CFAP299: variants seen among roughly 807,000 people sequenced by gnomAD.
CFAP299 encodes cilia- and flagella-associated protein 299.
A neutral mutation model predicts 27.0 loss-of-function variants in CFAP299; 21 were observed. That is an observed-to-expected ratio of 0.78 (90% CI 0.55 to 1.12). The LOEUF is 1.12. CFAP299 is among the 50% of genes most tolerant of loss of function. The pLI, the probability that CFAP299 is intolerant of heterozygous loss-of-function variation, is 0.00. For synonymous variants in CFAP299, 104 were observed against 98.1 expected (o/e 1.06, Z -0.36); for missense variants, 310 against 276.6 (o/e 1.12, Z -0.86).
At chr4:80,585,772 A>G (rs1736403735) in intron 3 of CFAP299, among the ~76,000 whole-genome samples, 1 of 152,210 alleles carries the variant, frequency 6.6e-6, no homozygotes, top group South Asian at 2.1e-4. Context: ...AGGGAGGTCA[A>G]CTGAGAGGCC....
chr4:80,528,159 A>G (rs1299601604), intron 2 of CFAP299, among the ~76,000 whole-genome samples: 1 of 152,154 alleles, frequency 6.6e-6, no homozygotes, highest in South Asian at 2.1e-4. Context: ...GATCATTTTC[A>G]TCTAACAAAC....
chr4:80,533,010 T>A (rs1733552441), intron 2 of CFAP299, among the ~76,000 whole-genome samples: 1 of 152,234 alleles, frequency 6.6e-6, no homozygotes, highest in Non-Finnish European at 1.5e-5. Flanking sequence ...TTTATTGTTT[T>A]TTTGTGTGTC....
intron 3 of CFAP299, among the ~76,000 whole-genome samples, chr4:80,768,323 T>G (rs1726011102): frequency 6.6e-6 from 1 of 152,210 alleles, no homozygotes; most frequent in African/African-American, 2.4e-5. Context: ...GAGTTTAAAT[T>G]GGTTACCCTA....
At chr4:80,420,248 G>C (rs1439705685) in intron 2 of CFAP299, 1 of 455,676 alleles carries the variant, frequency 2.2e-6, no homozygotes, top group African/African-American at 2.0e-5. Context: ...CCTAGATCTG[G>C]ACAAAGAAAA....
chr4:80,699,864 A>T (rs537447339), intron 3 of CFAP299, among the ~76,000 whole-genome samples: 127 of 152,292 alleles, frequency 8.3e-4, no homozygotes, highest in Non-Finnish European at 1.3e-3. Flanking sequence ...TGTATCATTC[A>T]GCTTAAGTTT....
intron 2 of CFAP299, among the ~76,000 whole-genome samples, chr4:80,426,173 A>G (rs191421441): frequency 1.3e-5 from 2 of 151,758 alleles, no homozygotes; most frequent in East Asian, 1.9e-4. Flanking sequence ...GACATTTAAC[A>G]TGTTAACTAT....
chr4:80,432,485 A>G (rs991072748), intron 2 of CFAP299, among the ~76,000 whole-genome samples: 1 of 149,424 alleles, frequency 6.7e-6, no homozygotes, highest in African/African-American at 2.5e-5. Flanking sequence ...TTTCTAAAAG[A>G]CAGTCTTTTT....
At chr4:80,466,125 A>G (rs1729688750) in intron 2 of CFAP299, among the ~76,000 whole-genome samples, 1 of 152,222 alleles carries the variant, frequency 6.6e-6, no homozygotes, top group Admixed American at 6.5e-5. Context: ...AACCTTAGAA[A>G]ACAAAATTAT....
At chr4:80,937,068 A>G (rs1186466709) in intron 4 of CFAP299, among the ~76,000 whole-genome samples, 1 of 150,872 alleles carries the variant, frequency 6.6e-6, no homozygotes, top group Non-Finnish European at 1.5e-5. Context: ...TACTGTTATT[A>G]TATTGCCGTC....
intron 3 of CFAP299, among the ~76,000 whole-genome samples, chr4:80,859,557 C>A (rs886391900): frequency 6.6e-6 from 1 of 151,874 alleles, no homozygotes; most frequent in Non-Finnish European, 1.5e-5. Context: ...ACTGGTTGTT[C>A]CTTTCCATGT....
chr4:80,954,156 G>A (rs1357439872), intron 5 of CFAP299, among the ~76,000 whole-genome samples: 1 of 152,210 alleles, frequency 6.6e-6, no homozygotes, highest in African/African-American at 2.4e-5. Context: ...TTAAAAACCT[G>A]ATAACTAATA....
chr4:80,841,570 G>T (rs1384292125), intron 3 of CFAP299, among the ~76,000 whole-genome samples: 2 of 151,994 alleles, frequency 1.3e-5, no homozygotes, highest in African/African-American at 2.4e-5. Flanking sequence ...ATTACTAATA[G>T]TAATGTGAGT....
At chr4:80,677,541 GA>G (rs1172400492) in intron 3 of CFAP299, among the ~76,000 whole-genome samples, 7 of 151,602 alleles carry the variant, frequency 4.6e-5, no homozygotes, top group Non-Finnish European at 8.9e-5. Flanking sequence ...AAAGATGAAA[GA>G]AAAAAATATA....
chr4:80,923,796 A>T (rs754540246), intron 4 of CFAP299, among the ~76,000 whole-genome samples: 28 of 152,018 alleles, frequency 1.8e-4, no homozygotes, highest in South Asian at 2.1e-4. Flanking sequence ...AAAACCATCC[A>T]TTTTAAAAAT....
intron 2 of CFAP299, among the ~76,000 whole-genome samples, chr4:80,408,376 G>A (rs1386307778): frequency 6.6e-6 from 1 of 152,150 alleles, no homozygotes; most frequent in Non-Finnish European, 1.5e-5. Flanking sequence ...ATGTTGAATT[G>A]AAGATTTCTC....
rs140744371 is a variant in CFAP299 at position 80,813,634 on chromosome 4, T to A, written c.334-56359T>A. On this transcript the variant is annotated intron_variant, in intron 3 of 5. Transcript: ENST00000358105. Reference sequence around the variant, plus strand: ...ACCAAATGAGACAGAACATGAAGACTGATTCAATTCACACAGAATTCAGAA... The same window carrying A: ...ACCAAATGAGACAGAACATGAAGACAGATTCAATTCACACAGAATTCAGAA... 1.2e-3 allele frequency among the ~76,000 whole-genome samples: 188 copies of A among 152,106 alleles called. 1 individual carries two copies. The highest frequency in any genetic ancestry group is 4.2e-3 in the African/African-American group (174 of 41,526).
chr4:80,638,166 G>T (rs935939699), intron 3 of CFAP299, among the ~76,000 whole-genome samples: 1 of 152,086 alleles, frequency 6.6e-6, no homozygotes, highest in Non-Finnish European at 1.5e-5. Flanking sequence ...GAACATGGCT[G>T]GTAGACCAGA....
At chr4:80,687,538 G>A (rs12647870) in intron 3 of CFAP299, among the ~76,000 whole-genome samples, 141,983 of 152,276 alleles carry the variant, frequency 0.93, 66,267 homozygotes, top group East Asian at 1. Context: ...TTTGAGTCTT[G>A]TATCCAACAC....
At chr4:80,791,432 T>C (rs1727563353) in intron 3 of CFAP299, among the ~76,000 whole-genome samples, 1 of 152,068 alleles carries the variant, frequency 6.6e-6, no homozygotes, top group South Asian at 2.1e-4. Context: ...TGAGATAATA[T>C]GTACAACATA....
Sources: gnomAD v4.1 joint callset for allele counts (sites outside exome capture counted in the v4.1 genomes callset) on GRCh38, gnomAD v4.1.1 for gene constraint, MANE v1.5 for transcripts, NCBI Gene and HGNC (gene_info 2026-07-23, HGNC 2026-07-21) for gene names.